The following RNF38 variants were observed in gnomAD, a reference collection of about 807,000 sequenced individuals.
RNF38 encodes the protein ring finger protein 38, also known as E3 ubiquitin-protein ligase RNF38.
In RNF38, 15 loss-of-function variants were observed where a neutral mutation model predicts 67.2. The ratio of observed to expected loss-of-function variants is 0.22; its 90% CI spans 0.15 to 0.34. RNF38 has a LOEUF of 0.34. Among genes scored for constraint, RNF38 ranks in the 10% least tolerant of loss-of-function variants. The probability of loss-of-function intolerance (pLI) is 1.00; values close to 1 mark genes in which losing one functional copy is unlikely to be tolerated. For synonymous variants in RNF38, 220 were observed against 218.8 expected, an observed-to-expected ratio of 1.01 and a Z score of -0.05; for missense variants, 524 against 639.9, an observed-to-expected ratio of 0.82 and a Z score of 1.95.
chr9:36,463,306 AG>A (rs1315707787), intron 1 of RNF38, among the ~76,000 whole-genome samples: 2 of 152,312 alleles, frequency 1.3e-5, no homozygotes, highest in Admixed American at 1.3e-4. Context: ...GTCAGGAGAA[AG>A]GCCCCGCACA....
chr9:36,354,194 T>C (rs1347471001), intron 6 of RNF38, among the ~76,000 whole-genome samples: 1 of 152,152 alleles, frequency 6.6e-6, no homozygotes, highest in Non-Finnish European at 1.5e-5. Context: ...TTCCATTATT[T>C]ATTTATTTAT....
At chr9:36,462,761 G>A (rs555395516) in intron 1 of RNF38, among the ~76,000 whole-genome samples, 3 of 150,648 alleles carry the variant, frequency 2.0e-5, no homozygotes, top group South Asian at 2.1e-4. Context: ...CACAACTTCC[G>A]CCTCCCAGGT....
intron 2 of RNF38, among the ~76,000 whole-genome samples, chr9:36,388,899 C>T (rs1159661626): frequency 6.6e-6 from 1 of 152,048 alleles, no homozygotes. Flanking sequence ...TTTTTCTTTG[C>T]ATGTGGTAAC....
At chr9:36,412,510 G>A (rs1169513556) in intron 2 of RNF38, among the ~76,000 whole-genome samples, 2 of 152,234 alleles carry the variant, frequency 1.3e-5, no homozygotes, top group Non-Finnish European at 2.9e-5. Context: ...AATCCCCAGT[G>A]TTGCAGATGG....
At chr9:36,366,489 AT>A (rs1226325105) in intron 4 of RNF38, among the ~76,000 whole-genome samples, 1 of 152,170 alleles carries the variant, frequency 6.6e-6, no homozygotes, top group Non-Finnish European at 1.5e-5. Context: ...AATACTGATT[AT>A]TGTATATTCA....
At position 36,363,356 on chromosome 9, in the gene RNF38, T is replaced by C. The variant is rs114760651; in HGVS notation, c.571-5414A>G. 3.8e-3 allele frequency among the ~76,000 whole-genome samples: 388 copies of C among 101,138 alleles called. 99 individuals carry two copies. Among genetic ancestry groups the C allele is most frequent in the Middle Eastern group, 0.017 (4 of 234 alleles). 66.4% of individuals were successfully genotyped at this position (101,138 alleles called of 152,430 possible). A position where few individuals can be genotyped will look rare whatever the true frequency, so the allele number is the denominator to read the frequency against. On this transcript the variant is annotated intron_variant, in intron 4 of 11. Coordinates refer to ENST00000259605, the MANE Select transcript of RNF38 (RefSeq NM_022781.5). Reference sequence around the variant, plus strand: ...TCTCTTGATTACACTAAGAATGGAATTGCTGGATTACTGGGTAGGTGTATG... The same window carrying C: ...TCTCTTGATTACACTAAGAATGGAACTGCTGGATTACTGGGTAGGTGTATG...
intron 4 of RNF38, among the ~76,000 whole-genome samples, chr9:36,358,425 T>A (rs1168669538): frequency 6.6e-6 from 1 of 152,226 alleles, no homozygotes; most frequent in Non-Finnish European, 1.5e-5. Flanking sequence ...TGATAACATA[T>A]CCTTCTTCTC....
At chr9:36,343,735 G>T (rs1833015415) in intron 10 of RNF38, among the ~76,000 whole-genome samples, 1 of 152,012 alleles carries the variant, frequency 6.6e-6, no homozygotes, top group African/African-American at 2.4e-5. Context: ...AAAAAGAAAT[G>T]ACTTACCAGT....
At chr9:36,472,565 TATA>T (rs1172231953) in intron 1 of RNF38, among the ~76,000 whole-genome samples, 1 of 152,230 alleles carries the variant, frequency 6.6e-6, no homozygotes, top group African/African-American at 2.4e-5. Context: ...CAAAAGTTCA[TATA>T]ATCTGGCTTT....
intron 1 of RNF38, among the ~76,000 whole-genome samples, chr9:36,450,956 A>C (rs944061742): frequency 1.1e-4 from 16 of 152,280 alleles, no homozygotes; most frequent in African/African-American, 3.8e-4. Flanking sequence ...TGAGTCTCCT[A>C]ATGACAGAAC....
rs1045452528 is a variant in RNF38, at chr9:36,339,448, C to T, written c.*304G>A. On this transcript the variant is annotated 3_prime_UTR_variant, in exon 12 of 12. Coordinates refer to ENST00000259605, the MANE Select transcript of RNF38 (RefSeq NM_022781.5). ...AAAGCACATGCTAAAAGATCACGTC[C>T]ACTGTAATCTTGCAGCAACACTCGG... 12 of 350,318 alleles carry T rather than the reference C, an allele frequency of 3.4e-5. No individual in the cohort carries two copies. The highest frequency in any genetic ancestry group is 2.9e-4 in the Admixed American group (7 of 24,262). 21.7% of individuals were successfully genotyped at this position (350,318 alleles called of 1,614,324 possible).
intron 2 of RNF38, among the ~76,000 whole-genome samples, chr9:36,389,094 G>A (rs1221250982): frequency 2.0e-5 from 3 of 150,972 alleles, no homozygotes; most frequent in Non-Finnish European, 4.4e-5. Context: ...CTCCACCCCC[G>A]CCCCAAAGTT....
At chr9:36,366,970 C>T (rs1202149845) in intron 4 of RNF38, among the ~76,000 whole-genome samples, 1 of 152,194 alleles carries the variant, frequency 6.6e-6, no homozygotes, top group Non-Finnish European at 1.5e-5. Flanking sequence ...TCACTAACTT[C>T]ACAGAGTGAT....
In RNF38 at chr9:36,370,675, G is replaced by A. The variant is rs145643025; in HGVS notation, c.357-743C>T. On this transcript the variant is annotated intron_variant, in intron 3 of 11. Transcript: ENST00000259605. ...AATCCTAGCACTTTGGGAAGCTGAG[G>A]CAGGTGGATCCCTTGAGCCCAGGAG... Among the ~76,000 whole-genome samples, 973 of 152,236 alleles carry A rather than the reference G, an allele frequency of 6.4e-3. 8 individuals are homozygous for A. The highest frequency in any genetic ancestry group is 0.022 in the African/African-American group (908 of 41,542).
intron 2 of RNF38, among the ~76,000 whole-genome samples, chr9:36,416,855 C>T (rs140366977): frequency 2.1e-5 from 3 of 140,144 alleles, no homozygotes; most frequent in East Asian, 2.2e-4. Context: ...TTGGTTAAAG[C>T]GATTCTCCTG....
intron 9 of RNF38, among the ~76,000 whole-genome samples, chr9:36,349,554 T>C (rs1833541262): frequency 6.6e-6 from 1 of 152,210 alleles, no homozygotes; most frequent in Non-Finnish European, 1.5e-5. Flanking sequence ...TTTTTCATAT[T>C]TTCTCCCAAC....
chr9:36,462,494 A>T (rs911178192), intron 1 of RNF38, among the ~76,000 whole-genome samples: 1 of 152,092 alleles, frequency 6.6e-6, no homozygotes, highest in African/African-American at 2.4e-5. Flanking sequence ...AAGGTCAAAA[A>T]CAAAGTATCC....
At chr9:36,359,553 C>T (rs867035640) in intron 4 of RNF38, among the ~76,000 whole-genome samples, 18 of 152,198 alleles carry the variant, frequency 1.2e-4, no homozygotes, top group Middle Eastern at 3.4e-3. Context: ...GCTTTAACTA[C>T]AGTATCTTAC....
chr9:36,418,299 G>A (rs1163947575), intron 2 of RNF38, among the ~76,000 whole-genome samples: 1 of 151,768 alleles, frequency 6.6e-6, no homozygotes, highest in Non-Finnish European at 1.5e-5. Context: ...GCCTCCCAAA[G>A]TGCTGGGATT....
Sources: gnomAD v4.1 joint callset for allele counts (sites outside exome capture counted in the v4.1 genomes callset) on GRCh38, gnomAD v4.1.1 for gene constraint, MANE v1.5 for transcripts, NCBI Gene and HGNC (gene_info 2026-07-23, HGNC 2026-07-21) for gene names.